DOK5: variants seen among roughly 807,000 people sequenced by gnomAD.
DOK5 encodes downstream of tyrosine kinase 5.
A neutral mutation model predicts 43.3 loss-of-function variants in DOK5; 27 were observed. That is an observed-to-expected ratio of 0.62 (90% CI 0.46 to 0.86). DOK5 has a LOEUF of 0.86. Among genes scored for constraint, DOK5 ranks in the 40% least tolerant of loss-of-function variants. The pLI, the probability that DOK5 is intolerant of heterozygous loss-of-function variation, is 0.00. For synonymous variants in DOK5, 146 were observed against 140.1 expected, an observed-to-expected ratio of 1.04 and a Z score of -0.30; for missense variants, 373 against 392.9, an observed-to-expected ratio of 0.95 and a Z score of 0.43.
At chr20:54,610,038 G>A (rs1247163879) in intron 5 of DOK5, among the ~76,000 whole-genome samples, 3 of 152,194 alleles carry the variant, frequency 2.0e-5, no homozygotes, top group African/African-American at 7.2e-5. Context: ...AAAGGAATAC[G>A]CTTGCACAGG....
intron 5 of DOK5, among the ~76,000 whole-genome samples, chr20:54,607,608 C>CG (rs1214942582): frequency 6.7e-6 from 1 of 150,136 alleles, no homozygotes; most frequent in African/African-American, 2.5e-5. Context: ...CATTGGGGGC[C>CG]GGGTGCAGTG....
intron 5 of DOK5, among the ~76,000 whole-genome samples, chr20:54,593,175 G>A (rs557990592): frequency 2.6e-4 from 39 of 151,812 alleles, no homozygotes; most frequent in African/African-American, 6.8e-4. Context: ...GGAGAATGGC[G>A]TGAACCTGGG....
intron 5 of DOK5, among the ~76,000 whole-genome samples, chr20:54,605,741 A>C (rs1986450713): frequency 6.6e-6 from 1 of 152,250 alleles, no homozygotes; most frequent in Non-Finnish European, 1.5e-5. Flanking sequence ...ATTGAACATG[A>C]AATGTAAACC....
intron 1 of DOK5, among the ~76,000 whole-genome samples, chr20:54,538,162 C>T (rs1351276677): frequency 2.0e-5 from 3 of 150,706 alleles, no homozygotes; most frequent in Non-Finnish European, 3.0e-5. Context: ...TGAGTAATGT[C>T]GTTTCATTAT....
chr20:54,619,026 TATATATATATATATATATATATATATATA>T (rs1986903259), intron 6 of DOK5, among the ~76,000 whole-genome samples: 8 of 42,782 alleles, frequency 1.9e-4, no homozygotes, highest in South Asian at 2.1e-3. Context: ...CAATAAATTA[TATATATATATATATATATATATATATATA>T]TATATATATA....
chr20:54,481,169 TCTA>T, intron 1 of DOK5, among the ~76,000 whole-genome samples: 1 of 151,548 alleles, frequency 6.6e-6, no homozygotes, highest in Admixed American at 6.6e-5. Context: ...TATCTATCTA[TCTA>T]TCTATCTATA....
intron 1 of DOK5, among the ~76,000 whole-genome samples, chr20:54,489,084 G>A (rs574172740): frequency 6.6e-6 from 1 of 152,274 alleles, no homozygotes; most frequent in African/African-American, 2.4e-5. Flanking sequence ...TCATTTTGCA[G>A]TAGATTCTCT....
At chr20:54,520,051 T>C (rs1983338367) in intron 1 of DOK5, among the ~76,000 whole-genome samples, 2 of 152,214 alleles carry the variant, frequency 1.3e-5, no homozygotes, top group Non-Finnish European at 2.9e-5. Context: ...ATTTGAACTC[T>C]TGTTGCAATG....
chr20:54,587,219 C>T (rs755281709), intron 2 of DOK5, among the ~76,000 whole-genome samples: 4 of 152,012 alleles, frequency 2.6e-5, no homozygotes, highest in Admixed American at 6.6e-5. Flanking sequence ...GAGTCACTGA[C>T]GTGATCGGTT....
intron 1 of DOK5, among the ~76,000 whole-genome samples, chr20:54,526,024 G>A (rs1306744391): frequency 6.6e-6 from 1 of 152,066 alleles, no homozygotes; most frequent in African/African-American, 2.4e-5. Context: ...ATTTTCTGTG[G>A]CAACCACTTT....
chr20:54,638,541 G>T (rs139189837), intron 6 of DOK5, among the ~76,000 whole-genome samples: 61 of 152,266 alleles, frequency 4.0e-4, no homozygotes, highest in Non-Finnish European at 7.4e-5. Flanking sequence ...CAGGAGACTA[G>T]GCTGGATGTC....
intron 2 of DOK5, among the ~76,000 whole-genome samples, chr20:54,585,146 G>A (rs1985763416): frequency 6.7e-6 from 1 of 148,580 alleles, no homozygotes; most frequent in Admixed American, 6.7e-5. Flanking sequence ...AGGCTTGTGT[G>A]TGTTGTGTAT....
At chr20:54,493,894 A>T (rs942465720) in intron 1 of DOK5, among the ~76,000 whole-genome samples, 2 of 152,174 alleles carry the variant, frequency 1.3e-5, no homozygotes, top group African/African-American at 4.8e-5. Flanking sequence ...AGCCATGATC[A>T]TGCCACTGCA....
chr20:54,603,940 ATTTTTTTTTTT>A lies in DOK5; in HGVS notation c.600-6434_600-6424del, dbSNP rs35690531. Among the ~76,000 whole-genome samples, 37 of 76,276 alleles carry A rather than the reference ATTTTTTTTTTT, an allele frequency of 4.9e-4. 1 individual carries two copies. Among genetic ancestry groups the A allele is most frequent in the African/African-American group, 1.9e-3 (34 of 17,482 alleles). 50.0% of individuals were successfully genotyped at this position (76,276 alleles called of 152,430 possible). On this transcript the variant is annotated intron_variant, in intron 5 of 7. Transcript: ENST00000262593. ...ATTGTACTCCACTTGTTCAAACTGTATTTTTTTTTTTTTTTTTTTTTTTTGAGACGGAGTCT... is the reference window on the plus strand; with the variant it reads ...ATTGTACTCCACTTGTTCAAACTGTATTTTTTTTTTTTTGAGACGGAGTCT...
intron 1 of DOK5, among the ~76,000 whole-genome samples, chr20:54,492,121 A>G (rs1982202697): frequency 6.6e-6 from 1 of 151,980 alleles, no homozygotes; most frequent in African/African-American, 2.4e-5. Context: ...ATTTTATATT[A>G]CATATACATG....
intron 2 of DOK5, among the ~76,000 whole-genome samples, chr20:54,568,699 G>T (rs1985174412): frequency 6.6e-6 from 1 of 152,148 alleles, no homozygotes; most frequent in African/African-American, 2.4e-5. Flanking sequence ...TGGAGGCTGA[G>T]GCTGGTGGAT....
At chr20:54,635,372 C>T (rs937057757) in intron 6 of DOK5, among the ~76,000 whole-genome samples, 1 of 152,116 alleles carries the variant, frequency 6.6e-6, no homozygotes, top group Non-Finnish European at 1.5e-5. Flanking sequence ...GAGTCTGGTG[C>T]CCTTTTAATT....
intron 6 of DOK5, among the ~76,000 whole-genome samples, chr20:54,631,845 G>A (rs768743556): frequency 4.6e-5 from 7 of 152,098 alleles, no homozygotes; most frequent in Non-Finnish European, 8.8e-5. Context: ...TGTGGCACGT[G>A]CCTGTAGTCC....
intron 2 of DOK5, among the ~76,000 whole-genome samples, chr20:54,572,413 C>T (rs758961314): frequency 1.6e-4 from 24 of 152,106 alleles, no homozygotes; most frequent in Admixed American, 8.5e-4. Flanking sequence ...CAGCCCACCT[C>T]GGCCTCTCAA....
Sources: gnomAD v4.1 joint callset for allele counts (sites outside exome capture counted in the v4.1 genomes callset) on GRCh38, gnomAD v4.1.1 for gene constraint, MANE v1.5 for transcripts, NCBI Gene and HGNC (gene_info 2026-07-23, HGNC 2026-07-21) for gene names.